The following ANO2 variants were observed in gnomAD, a reference collection of about 807,000 sequenced individuals.
ANO2 encodes the protein anoctamin-2.
ANO2 carries 101 observed loss-of-function variants against 124.2 expected under a neutral mutation model. The observed-to-expected ratio is 0.81, with a 90% CI of 0.69 to 0.96. The LOEUF (loss-of-function observed/expected upper bound fraction) is 0.96, where lower values mean the gene tolerates loss of function less well. Among genes scored for constraint, ANO2 ranks in the 40% least tolerant of loss-of-function variants. The probability of loss-of-function intolerance (pLI) is 0.00; values close to 1 mark genes in which losing one functional copy is unlikely to be tolerated. For synonymous variants in ANO2, 486 were observed against 482.5 expected, an observed-to-expected ratio of 1.01 and a Z score of -0.09; for missense variants, 1,293 against 1,274.5, an observed-to-expected ratio of 1.01 and a Z score of -0.22.
chr12:5,610,108 ATTTTT>A (rs999943395), intron 19 of ANO2, among the ~76,000 whole-genome samples: 2 of 132,690 alleles, frequency 1.5e-5, no homozygotes, highest in East Asian at 4.2e-4. Context: ...ATTATATTTT[ATTTTT>A]TAAGTATATA....
chr12:5,599,653 A>T lies in ANO2; in HGVS notation c.2088-24T>A, dbSNP rs1408439560. ...TCCTGGAAAAGAAATGGATTAAGTT[A>T]CAAAAAGCCTCTGGAGAACAGGGTT... On this transcript the variant is annotated intron_variant, in intron 19 of 24. Transcript: ENST00000682330. 2.5e-6 allele frequency: 4 copies of T among 1,611,662 alleles called. No individual in the cohort carries two copies. The Admixed American group carries it at 5.1e-5, about 20-fold the overall frequency.
In ANO2 at chr12:5,769,258, C is replaced by T. The variant is rs1951999761; in HGVS notation, c.1056-18288G>A. Among the ~76,000 whole-genome samples, 1 of 152,144 alleles carries T rather than the reference C, an allele frequency of 6.6e-6. No homozygotes were observed. The highest frequency in any genetic ancestry group is 2.4e-5 in the African/African-American group (1 of 41,422). On this transcript the variant is annotated intron_variant, in intron 10 of 24. Coordinates refer to ENST00000682330, the MANE Select transcript of ANO2 (RefSeq NM_001364791.2). This position sits in a 1 kb window ranked among gnomAD's most constrained non-coding sequence, Gnocchi z 4.0. ...CCATCGTATGGAGCAAGGGAGGCTG[C>T]AGAGCCAGGCTGATGGGGTACAGGT... is the stretch of plus-strand genomic sequence containing the variant.
At chr12:5,804,581 G>C (rs1038220202) in intron 9 of ANO2, among the ~76,000 whole-genome samples, 2 of 152,154 alleles carry the variant, frequency 1.3e-5, no homozygotes, top group East Asian at 3.9e-4. Flanking sequence ...CTGCCTCCTA[G>C]TTCCCACCTA....
intron 7 of ANO2, 25 bp downstream of exon 7, chr12:5,827,744 C>T (rs11608829): frequency 0.033 from 53,242 of 1,603,636 alleles, 1,592 homozygotes; most frequent in African/African-American, 0.16. Flanking sequence ...CCGTCAGCAC[C>T]CTGCCCGCGG....
intron 16 of ANO2, among the ~76,000 whole-genome samples, chr12:5,626,868 A>G (rs569555307): frequency 2.2e-3 from 342 of 152,324 alleles, no homozygotes; most frequent in African/African-American, 7.9e-3. Flanking sequence ...CAAACAAAGG[A>G]GGAGCACCAC....
Position 5,636,552 on chromosome 12 carries a change from G to A in ANO2, c.1621-1205C>T, listed in dbSNP as rs779671552. ...TATGAAGGACTAAATAGAAAACGTA[G>A]GGAGAGAAAACAGCAGGTGGAAGGC... is the stretch of plus-strand genomic sequence containing the variant. On this transcript the variant is annotated intron_variant, in intron 15 of 24. Transcript: ENST00000682330. This position sits in a 1 kb window ranked among gnomAD's most constrained non-coding sequence, Gnocchi z 4.6. Among the ~76,000 whole-genome samples, 7 of 151,460 alleles carry A rather than the reference G, an allele frequency of 4.6e-5. No homozygotes were observed. The highest frequency in any genetic ancestry group is 8.8e-5 in the Non-Finnish European group (6 of 67,900).
chr12:5,855,492 T>G (rs191481032), intron 3 of ANO2, among the ~76,000 whole-genome samples: 304 of 152,348 alleles, frequency 2.0e-3, no homozygotes, highest in African/African-American at 6.5e-3. Flanking sequence ...AGAAAGCTCA[T>G]GACTTACAAG....
intron 4 of ANO2, among the ~76,000 whole-genome samples, chr12:5,846,578 G>T (rs547806468): frequency 6.6e-6 from 1 of 152,328 alleles, no homozygotes; most frequent in African/African-American, 2.4e-5. Flanking sequence ...TGTCACAGTT[G>T]TGAAGGTCAC....
chr12:5,776,410 C>T (rs1387389745), intron 10 of ANO2, among the ~76,000 whole-genome samples: 1 of 152,206 alleles, frequency 6.6e-6, no homozygotes, highest in African/African-American at 2.4e-5. Flanking sequence ...TTGAAAGTAC[C>T]TCAAGGACTT....
intron 4 of ANO2, among the ~76,000 whole-genome samples, chr12:5,841,743 C>T (rs1259811028): frequency 6.6e-6 from 1 of 152,210 alleles, no homozygotes; most frequent in East Asian, 1.9e-4. Flanking sequence ...CCAGTGCTCA[C>T]ATTTCAGCTT....
In ANO2 at chr12:5,922,700, G is replaced by C. The variant is rs978098211; in HGVS notation, c.127C>G (p.Pro43Ala). The change falls in exon 2 of 25, where the codon CCC (proline) becomes GCC (alanine). Residue 43 changes from proline (P) to alanine (A), a missense_variant. Transcript: ENST00000682330. ...HGQQCLKMPG[P>A]RAPGLQGGSN... ...CCGCCCTGCAGACCTGGGGCCCGGG[G>C]ACCTGGCATCTTGAGACACTGCTGT... 1.3e-6 allele frequency: 2 copies of C among 1,592,098 alleles called. No individual in the cohort carries two copies. The highest frequency in any genetic ancestry group is 1.3e-5 in the African/African-American group (1 of 74,578).
intron 14 of ANO2, among the ~76,000 whole-genome samples, chr12:5,683,083 A>ACTGTGCACTCTGTGTACC (rs1175064447): frequency 6.6e-6 from 1 of 152,140 alleles, no homozygotes; most frequent in Non-Finnish European, 1.5e-5. Context: ...GAGACTGTAT[A>ACTGTGCACTCTGTGTACC]CTGTGCACTC....
chr12:5,733,000 C>T lies in ANO2; in HGVS notation c.1435-370G>A, dbSNP rs145281372. 6 of 1,121,256 alleles carry T rather than the reference C, an allele frequency of 5.4e-6. No individual in the cohort carries two copies. In the African/African-American group the frequency reaches 7.7e-5, roughly 14 times the overall value. The allele number at this position is 1,121,256 out of a possible 1,614,324, so 69.5% of individuals were successfully genotyped here. ...GGCAGAGGGATATCCCTGGTCATCCCACCAACTATCGTCAGACCTCAAACT... is the reference window on the plus strand; with the variant it reads ...GGCAGAGGGATATCCCTGGTCATCCTACCAACTATCGTCAGACCTCAAACT... On this transcript the variant is annotated intron_variant, in intron 13 of 24. Transcript: ENST00000682330.
At chr12:5,780,626 T>C (rs1952361127) in intron 10 of ANO2, among the ~76,000 whole-genome samples, 1 of 152,142 alleles carries the variant, frequency 6.6e-6, no homozygotes, top group African/African-American at 2.4e-5. Flanking sequence ...TATCTGAGCA[T>C]GAAACAATTA....
chr12:5,922,879 A>C, intron 1 of ANO2, 75 bp from the exon 2 acceptor site: 1 of 1,338,890 alleles, frequency 7.5e-7, no homozygotes, highest in Non-Finnish European at 9.8e-7. Flanking sequence ...TACTGAGTGT[A>C]CTCAGACACT....
chr12:5,798,067 A>T (rs1311513984), intron 10 of ANO2, among the ~76,000 whole-genome samples: 2 of 151,952 alleles, frequency 1.3e-5, no homozygotes, highest in Non-Finnish European at 2.9e-5. Context: ...AATCGTACTT[A>T]AAAAAAACAA....
chr12:5,914,089 A>C (rs1039250507), intron 3 of ANO2, among the ~76,000 whole-genome samples: 4 of 152,110 alleles, frequency 2.6e-5, no homozygotes, highest in Admixed American at 2.0e-4. Flanking sequence ...AATCCCAGCT[A>C]CTCAGGAGGC....
chr12:5,703,713 G>A (rs1949493291), intron 14 of ANO2, among the ~76,000 whole-genome samples: 2 of 151,844 alleles, frequency 1.3e-5, no homozygotes, highest in Middle Eastern at 3.2e-3. Flanking sequence ...CACCTGGCTA[G>A]TTTTTAAAAT....
At chr12:5,605,578 C>A (rs1324633731) in intron 19 of ANO2, among the ~76,000 whole-genome samples, 2 of 152,138 alleles carry the variant, frequency 1.3e-5, no homozygotes, top group East Asian at 3.9e-4. Flanking sequence ...CACCAAAAAC[C>A]CACCTCTCCA....
Sources: gnomAD v4.1 joint callset for allele counts (sites outside exome capture counted in the v4.1 genomes callset) on GRCh38, gnomAD v4.1.1 for gene constraint, Gnocchi (gnomAD v3.1) non-coding constraint, MANE v1.5 for transcripts, NCBI Gene and HGNC (gene_info 2026-07-23, HGNC 2026-07-21) for gene names.